TBC1D14: variants seen among roughly 807,000 people sequenced by gnomAD.
The protein encoded by TBC1D14 is TBC1 domain family, member 14.
TBC1D14 carries 26 observed loss-of-function variants against 79.0 expected under a neutral mutation model. The observed-to-expected ratio is 0.33, with a 90% CI of 0.24 to 0.46. The LOEUF (loss-of-function observed/expected upper bound fraction) is 0.46, where lower values mean the gene tolerates loss of function less well. Ranked by LOEUF, TBC1D14 falls within the 20% of genes least tolerant of loss-of-function variation. The pLI is 1.00. For synonymous variants in TBC1D14, 394 were observed against 349.9 expected (o/e 1.13, Z -1.40); for missense variants, 769 against 887.6 (o/e 0.87, Z 1.70).
At chr4:6,998,899 C>G (rs1719364505) in intron 5 of TBC1D14, 186 bp from the exon 6 acceptor site, 1 of 583,068 alleles carries the variant, frequency 1.7e-6, no homozygotes, top group South Asian at 2.0e-5. Flanking sequence ...TGCAAGCTTA[C>G]TAAAGGGTGG....
chr4:6,971,733 C>T (rs1019453915), intron 3 of TBC1D14, among the ~76,000 whole-genome samples: 3 of 152,216 alleles, frequency 2.0e-5, no homozygotes, highest in African/African-American at 7.2e-5. Flanking sequence ...TTACTCCAGA[C>T]ACATCAAACC....
At chr4:6,996,704 A>G (rs954729388) in intron 5 of TBC1D14, among the ~76,000 whole-genome samples, 1 of 152,202 alleles carries the variant, frequency 6.6e-6, no homozygotes, top group Non-Finnish European at 1.5e-5. Flanking sequence ...CTTCCATCCC[A>G]GAAGCCCCCA....
At chr4:6,982,357 G>A (rs1481871565) in intron 3 of TBC1D14, among the ~76,000 whole-genome samples, 4 of 152,132 alleles carry the variant, frequency 2.6e-5, no homozygotes, top group Non-Finnish European at 5.9e-5. Flanking sequence ...GAAAGTTTGC[G>A]TGCTGTGATT....
intron 3 of TBC1D14, among the ~76,000 whole-genome samples, chr4:6,980,435 G>A (rs994100180): frequency 5.9e-5 from 9 of 152,148 alleles, no homozygotes; most frequent in African/African-American, 1.9e-4. Context: ...AAAGAAAAAA[G>A]GTCTCAGATC....
At chr4:7,009,688 C>A (rs998116435) in intron 9 of TBC1D14, among the ~76,000 whole-genome samples, 189 bp from the exon 10 acceptor site, 2 of 152,234 alleles carry the variant, frequency 1.3e-5, no homozygotes, top group South Asian at 2.1e-4. Context: ...GAGCTGCAGA[C>A]TTCCCTAGCT....
chr4:6,949,226 G>A (rs918216282), intron 2 of TBC1D14, among the ~76,000 whole-genome samples: 1 of 151,632 alleles, frequency 6.6e-6, no homozygotes, highest in Non-Finnish European at 1.5e-5. Context: ...GCACTTGGGA[G>A]GGAGCCCTTC....
chr4:6,970,217 C>T (rs965591452), intron 3 of TBC1D14, among the ~76,000 whole-genome samples: 3 of 152,338 alleles, frequency 2.0e-5, no homozygotes, highest in East Asian at 1.9e-4. Flanking sequence ...AGCAACATCA[C>T]GTGGTGACAT....
At chr4:7,006,983 C>A (rs986964428) in intron 9 of TBC1D14, among the ~76,000 whole-genome samples, 9 of 152,138 alleles carry the variant, frequency 5.9e-5, no homozygotes, top group African/African-American at 2.2e-4. Flanking sequence ...TGTCTCGGGG[C>A]CCCTGTAGGT....
chr4:6,916,257 TG>T (rs1459782517), intron 1 of TBC1D14, among the ~76,000 whole-genome samples: 1 of 152,038 alleles, frequency 6.6e-6, no homozygotes, highest in Non-Finnish European at 1.5e-5. Flanking sequence ...CCCTTGCCAT[TG>T]GGGTTTGAAG....
At chr4:6,954,851 C>T (rs1001061226) in intron 2 of TBC1D14, among the ~76,000 whole-genome samples, 1 of 152,260 alleles carries the variant, frequency 6.6e-6, no homozygotes, top group African/African-American at 2.4e-5. Context: ...GTGATCCACC[C>T]GCCTTGGCCT....
At chr4:6,991,654 T>C (rs1718500663) in intron 3 of TBC1D14, among the ~76,000 whole-genome samples, 1 of 152,140 alleles carries the variant, frequency 6.6e-6, no homozygotes, top group Admixed American at 6.5e-5. Context: ...AGCTGTCTTG[T>C]TGGCGTGGTC....
chr4:7,006,798 T>A, intron 9 of TBC1D14, 72 bp downstream of exon 9: 10 of 1,447,850 alleles, frequency 6.9e-6, no homozygotes, highest in Non-Finnish European at 9.6e-6. Flanking sequence ...TGTGTATATT[T>A]GTTGTCAAGT....
At position 7,008,562 on chromosome 4, in the gene TBC1D14, A is replaced by G. The variant is rs190688157; in HGVS notation, c.1447-1315A>G. ...CGAGTAGCTGGGATTACAGGCACCCACCACCATGCCTGGCTAATTTTTGCA... is the reference window on the plus strand; with the variant it reads ...CGAGTAGCTGGGATTACAGGCACCCGCCACCATGCCTGGCTAATTTTTGCA... On this transcript the variant is annotated intron_variant, in intron 9 of 13. Transcript: ENST00000409757. Among the ~76,000 whole-genome samples, 72 of 152,196 alleles carry G rather than the reference A, an allele frequency of 4.7e-4. No homozygotes were observed. In the East Asian group the frequency reaches 0.013, roughly 27 times the overall value.
intron 1 of TBC1D14, among the ~76,000 whole-genome samples, chr4:6,912,826 A>ATTTTTTTTTT (rs1240509479): frequency 2.0e-5 from 3 of 152,100 alleles, no homozygotes; most frequent in Admixed American, 2.0e-4. Context: ...TACTGTCTTC[A>ATTTTTTTTTT]TTTTGCTGCA....
At chr4:6,984,519 C>T (rs1717648410) in intron 3 of TBC1D14, among the ~76,000 whole-genome samples, 1 of 152,142 alleles carries the variant, frequency 6.6e-6, no homozygotes, top group Admixed American at 6.5e-5. Context: ...TCTGAATTAG[C>T]TTAAAAATTA....
chr4:6,964,543 C>T (rs1224894165), intron 2 of TBC1D14, among the ~76,000 whole-genome samples: 1 of 152,210 alleles, frequency 6.6e-6, no homozygotes, highest in Non-Finnish European at 1.5e-5. Context: ...GGTTTAATTG[C>T]CTAAGTCCTT....
intron 5 of TBC1D14, chr4:6,997,400 G>C (rs898076603): frequency 6.6e-6 from 1 of 152,260 alleles, no homozygotes; most frequent in Non-Finnish European, 1.5e-5. Context: ...GCCGAGGCGC[G>C]TGGATCACCT....
In TBC1D14 at chr4:7,002,501, G is replaced by A. The variant is rs368064277; in HGVS notation, c.1270+1250G>A. Among the ~76,000 whole-genome samples the A allele has an allele frequency of 2.0e-4, 31 of 152,280 alleles. 1 individual carries two copies. In the East Asian group the frequency reaches 2.7e-3, roughly 13 times the overall value. ...TTTTGGATTGGGCTAAACCGCTGAC[G>A]AGTCAGTTACATGTTTAGACATGAG... On this transcript the variant is annotated intron_variant, in intron 7 of 13. Coordinates refer to ENST00000409757, the MANE Select transcript of TBC1D14 (RefSeq NM_020773.3).
intron 2 of TBC1D14, among the ~76,000 whole-genome samples, chr4:6,962,173 G>C (rs1179905531): frequency 1.3e-5 from 2 of 152,214 alleles, no homozygotes; most frequent in African/African-American, 4.8e-5. Flanking sequence ...TAGGTAGGAG[G>C]TGAGATATGC....
Sources: gnomAD v4.1 joint callset for allele counts (sites outside exome capture counted in the v4.1 genomes callset) on GRCh38, gnomAD v4.1.1 for gene constraint, MANE v1.5 for transcripts, NCBI Gene and HGNC (gene_info 2026-07-23, HGNC 2026-07-21) for gene names.